TTC28: variants seen among roughly 807,000 people sequenced by gnomAD.
The protein encoded by TTC28 is tetratricopeptide repeat protein 28.
Under a neutral mutation model 198.0 loss-of-function variants are expected in TTC28, and 61 were observed. That is an observed-to-expected ratio of 0.31 (90% CI 0.25 to 0.38). The LOEUF is 0.38. Ranked by LOEUF, TTC28 falls within the 10% of genes least tolerant of loss-of-function variation. The probability of loss-of-function intolerance (pLI) is 1.00; values close to 1 mark genes in which losing one functional copy is unlikely to be tolerated. For synonymous variants in TTC28, 1,171 were observed against 1,297.8 expected, an observed-to-expected ratio of 0.90 and a Z score of 2.10; for missense variants, 2,678 against 3,164.0, an observed-to-expected ratio of 0.85 and a Z score of 3.69.
rs947994249 is a variant in TTC28 at position 28,087,767 on chromosome 22, T to C, written c.3932+6313A>G. 1.6e-3 allele frequency among the ~76,000 whole-genome samples: 238 copies of C among 152,222 alleles called. 1 individual carries two copies. Among genetic ancestry groups the C allele is most frequent in the African/African-American group, 5.3e-3 (220 of 41,562 alleles). On this transcript the variant is annotated intron_variant, in intron 12 of 22. Coordinates refer to ENST00000397906, the MANE Select transcript of TTC28 (RefSeq NM_001145418.2). ...TGATTGTATATCTAGAAAACCCCAC[T>C]GTCTCAGCCCAAAATCTCCTTAAGC...
intron 12 of TTC28, among the ~76,000 whole-genome samples, chr22:28,054,729 C>T (rs1940210679): frequency 6.6e-6 from 1 of 152,174 alleles, no homozygotes. Context: ...TCCATCCTCT[C>T]TTTAGACAAC....
chr22:28,638,179 T>C (rs1244446595), intron 1 of TTC28, among the ~76,000 whole-genome samples: 2 of 152,072 alleles, frequency 1.3e-5, no homozygotes, highest in African/African-American at 2.4e-5. Flanking sequence ...ACATCAGACT[T>C]GAACTATACT....
intron 2 of TTC28, among the ~76,000 whole-genome samples, chr22:28,309,891 G>T (rs2081820839): frequency 1.3e-5 from 2 of 152,116 alleles, no homozygotes; most frequent in South Asian, 4.1e-4. Context: ...CCAAGAAGAA[G>T]AGAAATGTAC....
At chr22:28,068,590 G>A (rs1027111686) in intron 12 of TTC28, among the ~76,000 whole-genome samples, 2 of 152,034 alleles carry the variant, frequency 1.3e-5, no homozygotes, top group Admixed American at 6.6e-5. Context: ...TCTTTCAAAC[G>A]AAGTCAAATA....
At chr22:28,089,299 T>C (rs966786372) in intron 12 of TTC28, among the ~76,000 whole-genome samples, 21 of 152,008 alleles carry the variant, frequency 1.4e-4, no homozygotes, top group African/African-American at 5.1e-4. Flanking sequence ...ATTAAGAAAA[T>C]GTGGCATATA....
At chr22:28,425,588 G>A (rs1326665665) in intron 2 of TTC28, among the ~76,000 whole-genome samples, 1 of 152,170 alleles carries the variant, frequency 6.6e-6, no homozygotes, top group Non-Finnish European at 1.5e-5. Context: ...ATGAAAACAT[G>A]TTGAATCAAT....
intron 2 of TTC28, among the ~76,000 whole-genome samples, chr22:28,550,107 C>T (rs760415570): frequency 2.0e-5 from 3 of 152,038 alleles, no homozygotes; most frequent in Non-Finnish European, 2.9e-5. Flanking sequence ...AACAGTCTAA[C>T]AGATAACATT....
At chr22:28,324,304 A>AGGTACAT (rs1375901212) in intron 2 of TTC28, among the ~76,000 whole-genome samples, 6 of 152,050 alleles carry the variant, frequency 3.9e-5, no homozygotes, top group African/African-American at 1.4e-4. Context: ...ATTCTACCAA[A>AGGTACAT]GGTACATAGA....
chr22:28,000,346 G>A (rs536076583), intron 15 of TTC28: 15 of 152,408 alleles, frequency 9.8e-5, no homozygotes, highest in African/African-American at 3.6e-4. Flanking sequence ...AAGCAGCCAA[G>A]ACAGGTCCTG....
Position 28,005,294 on chromosome 22 carries a change from G to A in TTC28, c.4219-3741C>T, listed in dbSNP as rs1212757253. On this transcript the variant is annotated intron_variant, in intron 14 of 22. Coordinates refer to ENST00000397906, the MANE Select transcript of TTC28 (RefSeq NM_001145418.2). The surrounding 1 kb of genome is among the most constrained non-coding windows in gnomAD (Gnocchi z 4.9). ...CAGGCAGGCCACCATGCACAGCACT[G>A]TGGGGCTGCCCTGGGGCACGGTGAT... 1.3e-5 allele frequency among the ~76,000 whole-genome samples: 2 copies of A among 152,214 alleles called. No individual in the cohort carries two copies. The highest frequency in any genetic ancestry group is 2.9e-5 in the Non-Finnish European group (2 of 68,036).
chr22:28,037,975 C>T (rs1939437832), intron 12 of TTC28, among the ~76,000 whole-genome samples: 1 of 152,112 alleles, frequency 6.6e-6, no homozygotes, highest in Non-Finnish European at 1.5e-5. Context: ...TGTGAAGGAC[C>T]TCTTCAAGGA....
At chr22:28,116,604 G>C (rs1473153333) in intron 6 of TTC28, among the ~76,000 whole-genome samples, 1 of 152,166 alleles carries the variant, frequency 6.6e-6, no homozygotes, top group Non-Finnish European at 1.5e-5. Flanking sequence ...CACAATAAGA[G>C]GTGGGAGGCA....
chr22:28,221,359 CTAAT>C (rs1379383365), intron 5 of TTC28, among the ~76,000 whole-genome samples: 7 of 152,170 alleles, frequency 4.6e-5, no homozygotes, highest in African/African-American at 1.7e-4. Flanking sequence ...GGTAGCAAGA[CTAAT>C]TCTAAATTCC....
chr22:28,220,819 TG>T (rs1927796751), intron 5 of TTC28, among the ~76,000 whole-genome samples: 1 of 152,186 alleles, frequency 6.6e-6, no homozygotes, highest in Non-Finnish European at 1.5e-5. Context: ...GTTAAGAGTA[TG>T]TTTGCCACAG....
chr22:28,270,121 C>G (rs1275096842), intron 5 of TTC28, among the ~76,000 whole-genome samples: 1 of 152,020 alleles, frequency 6.6e-6, no homozygotes, highest in East Asian at 1.9e-4. Context: ...TGCATCACAG[C>G]TTGGTTGTAT....
At chr22:28,125,285 G>T (rs571826360) in intron 6 of TTC28, among the ~76,000 whole-genome samples, 7 of 152,314 alleles carry the variant, frequency 4.6e-5, no homozygotes, top group African/African-American at 1.7e-4. Context: ...GCCCTCCAGA[G>T]TGAAAAATAC....
intron 5 of TTC28, among the ~76,000 whole-genome samples, chr22:28,226,980 C>T (rs1403751403): frequency 6.6e-6 from 1 of 152,134 alleles, no homozygotes; most frequent in East Asian, 1.9e-4. Flanking sequence ...GGCTGGAGTG[C>T]AGTAGAGCAA....
At chr22:28,309,264 TATA>T (rs1424991804) in intron 2 of TTC28, among the ~76,000 whole-genome samples, 4 of 152,208 alleles carry the variant, frequency 2.6e-5, no homozygotes, top group African/African-American at 9.6e-5. Flanking sequence ...TAGCATTCAA[TATA>T]ATATTATTCA....
chr22:28,200,712 C>T (rs1925851675), intron 5 of TTC28, among the ~76,000 whole-genome samples: 1 of 152,086 alleles, frequency 6.6e-6, no homozygotes, highest in Non-Finnish European at 1.5e-5. Context: ...TGAACACCTT[C>T]TCCAACTAGC....
Sources: allele counts gnomAD v4.1 joint callset (sites outside exome capture counted in the v4.1 genomes callset), GRCh38; gene constraint gnomAD v4.1.1; non-coding constraint Gnocchi (gnomAD v3.1); transcripts MANE v1.5; gene names NCBI Gene and HGNC (gene_info 2026-07-23, HGNC 2026-07-21).